PIWIL1: variants seen among roughly 807,000 people sequenced by gnomAD.
PIWIL1 encodes the protein piwi-like protein 1.
PIWIL1 carries 73 observed loss-of-function variants against 114.4 expected under a neutral mutation model. That is an observed-to-expected ratio of 0.64 (90% CI 0.53 to 0.78). PIWIL1 has a LOEUF of 0.78. Among genes scored for constraint, PIWIL1 ranks in the 30% least tolerant of loss-of-function variants. The pLI is 0.00. For synonymous variants in PIWIL1, 375 were observed against 369.0 expected (o/e 1.02, Z -0.19); for missense variants, 723 against 1,063.1 (o/e 0.68, Z 4.45).
the PIWIL1 span, among the ~76,000 whole-genome samples, chr12:130,403,028 C>T: frequency 0.011 from 1,661 of 152,256 alleles, 26 homozygotes; most frequent in African/African-American, 0.039. Context: ...TCGGGGGTCC[C>T]TGCTTACGCT....
Position 130,371,643 on chromosome 12 carries a change from G to T in PIWIL1, c.*45G>T. 1 of 1,250,222 alleles carries T rather than the reference G, an allele frequency of 8.0e-7. No individual in the cohort carries two copies. Among genetic ancestry groups the T allele is most frequent in the Non-Finnish European group, 1.1e-6 (1 of 877,190 alleles). 77.4% of individuals were successfully genotyped at this position (1,250,222 alleles called of 1,614,324 possible). On this transcript the variant is annotated 3_prime_UTR_variant, in exon 21 of 21. Transcript: ENST00000245255. ...CCGCTTTTCTTTTTGAAATGACTTTGGGATTTTTTTAAGCTTTTATTTACT... is the reference window on the plus strand; with the variant it reads ...CCGCTTTTCTTTTTGAAATGACTTTTGGATTTTTTTAAGCTTTTATTTACT...
intron 7 of PIWIL1, among the ~76,000 whole-genome samples, chr12:130,348,536 C>G (rs1276904489): frequency 6.6e-6 from 1 of 152,108 alleles, no homozygotes; most frequent in Non-Finnish European, 1.5e-5. Context: ...CCACTCATCC[C>G]CCAGACCTCA....
the PIWIL1 span, among the ~76,000 whole-genome samples, chr12:130,399,368 G>A: frequency 1.3e-5 from 2 of 152,286 alleles, no homozygotes; most frequent in South Asian, 4.1e-4. Flanking sequence ...CACCAAATCT[G>A]AAGAGGAGCC....
At chr12:130,386,074 C>T in the PIWIL1 span, among the ~76,000 whole-genome samples, 40 of 152,292 alleles carry the variant, frequency 2.6e-4, 2 homozygotes, top group East Asian at 3.5e-3. Context: ...CAGTACCACA[C>T]ATGCTGTGGT....
At chr12:130,346,029 TATAG>T in intron 4 of PIWIL1, 151 bp downstream of exon 4, 1 of 711,260 alleles carries the variant, frequency 1.4e-6, no homozygotes, top group Non-Finnish European at 2.3e-6. Flanking sequence ...TGAAGTAGGT[TATAG>T]ATATCTTTAA....
rs2073502646 is a variant in PIWIL1, at chr12:130,361,359, G to C, written c.1845G>C (p.Glu615Asp). ...AGATGAACTGCAAGATGGGAGGAGA[G>C]CTCTGGAGGGTGGACATCCCCGTGA... The part of the protein sequence containing the change: ...ALQMNCKMGG[E>D]LWRVDIPLKL... The change falls in exon 15 of 21, where the codon GAG becomes GAC. Residue 615 changes from glutamate (E) to aspartate (D), a missense_variant. Around this residue, in one of 8 missense-constraint regions of PIWIL1, gnomAD observed 298 missense variants for 420.8 expected, o/e 0.71. Coordinates refer to ENST00000245255, the MANE Select transcript of PIWIL1 (RefSeq NM_004764.5). The C allele has an allele frequency of 1.2e-6, 2 of 1,614,232 alleles. No individual in the cohort carries two copies. The highest frequency in any genetic ancestry group is 1.3e-5 in the African/African-American group (1 of 75,062).
At position 130,342,427 on chromosome 12, in the gene PIWIL1, T is replaced by TA. The variant is rs576376139; in HGVS notation, c.-12-145dup. The TA allele has an allele frequency of 1.9e-3, 1,165 of 615,398 alleles. 4 individuals are homozygous for TA. Among genetic ancestry groups the TA allele is most frequent in the Admixed American group, 3.5e-3 (122 of 34,704 alleles). 38.1% of individuals were successfully genotyped at this position (615,398 alleles called of 1,614,324 possible). A position where few individuals can be genotyped will look rare whatever the true frequency, so the allele number is the denominator to read the frequency against. ...TTTGTTGAATGTAGGAATGTTACAT[T>TA]AAAAAAAACTGTCATTAAAGATTAG... On this transcript the variant is annotated intron_variant, in intron 1 of 20. Coordinates refer to ENST00000245255, the MANE Select transcript of PIWIL1 (RefSeq NM_004764.5).
At chr12:130,412,716 A>G in the PIWIL1 span, 5 of 1,613,776 alleles carry the variant, frequency 3.1e-6, no homozygotes, top group African/African-American at 6.7e-5. Flanking sequence ...AGACCATGTT[A>G]CAAGGAATAA....
At chr12:130,384,620 C>T in the PIWIL1 span, among the ~76,000 whole-genome samples, 7 of 152,128 alleles carry the variant, frequency 4.6e-5, no homozygotes, top group Non-Finnish European at 7.3e-5. Context: ...CCTGGGATGC[C>T]CAGCATGTTT....
intron 12 of PIWIL1, 109 bp downstream of exon 12, chr12:130,355,776 A>C: frequency 2.6e-6 from 2 of 766,906 alleles, no homozygotes; most frequent in Non-Finnish European, 4.6e-6. Flanking sequence ...AGCTCCGAGT[A>C]AGGCAGTTTT....
chr12:130,416,804 T>C, the PIWIL1 span, among the ~76,000 whole-genome samples: 5 of 152,216 alleles, frequency 3.3e-5, no homozygotes, highest in Middle Eastern at 3.4e-3. Flanking sequence ...GAGAAAATAT[T>C]TGCAAATTGT....
chr12:130,382,493 G>A, the PIWIL1 span, among the ~76,000 whole-genome samples: 41 of 152,216 alleles, frequency 2.7e-4, no homozygotes, highest in Admixed American at 1.7e-3. Flanking sequence ...CTGTGCCCAC[G>A]GCAGTTTCTG....
chr12:130,415,594 TAAG>T, the PIWIL1 span, among the ~76,000 whole-genome samples: 1 of 152,004 alleles, frequency 6.6e-6, no homozygotes, highest in Admixed American at 6.6e-5. Flanking sequence ...ATATAGGAAA[TAAG>T]AAGTCAAATT....
At chr12:130,345,533 G>A in intron 3 of PIWIL1, 1 of 474,744 alleles carries the variant, frequency 2.1e-6, no homozygotes, top group Non-Finnish European at 3.8e-6. Flanking sequence ...ATCTGCAATT[G>A]CCCAGGACAG....
chr12:130,399,921 T>A, the PIWIL1 span: 6 of 1,292,956 alleles, frequency 4.6e-6, no homozygotes, highest in East Asian at 9.4e-5. Context: ...GTGAGTTTAT[T>A]CTGGTTCAAA....
chr12:130,399,953 T>C, the PIWIL1 span: 4 of 961,054 alleles, frequency 4.2e-6, no homozygotes, highest in Non-Finnish European at 4.5e-6. Flanking sequence ...TTGAAAGGAC[T>C]CTAAATCAGG....
the PIWIL1 span, among the ~76,000 whole-genome samples, chr12:130,382,819 A>G: frequency 0.029 from 4,441 of 152,228 alleles, 146 homozygotes; most frequent in Admixed American, 0.063. Context: ...CTTAAACTCT[A>G]CATAGTTTCA....
chr12:130,368,800 A>T lies in PIWIL1; in HGVS notation c.2321+1542A>T, dbSNP rs547774093. On this transcript the variant is annotated intron_variant, in intron 19 of 20. Transcript: ENST00000245255. ...AAATCCCAGTTGAATTATGAAGTAT[A>T]AAAAACGTCATGAGTTTTCACTAGA... 1.0e-3 allele frequency among the ~76,000 whole-genome samples: 157 copies of T among 151,312 alleles called. 2 individuals carry two copies. The South Asian group carries it at 0.018, about 18-fold the overall frequency.
At chr12:130,371,424 T>G (rs1168220460) in intron 20 of PIWIL1, 58 bp from the exon 21 acceptor site, 1 of 1,608,486 alleles carries the variant, frequency 6.2e-7, no homozygotes, top group African/African-American at 1.3e-5. Context: ...ATACTGAGAT[T>G]TGCAATTGAA....
Sources: allele counts gnomAD v4.1 joint callset (sites outside exome capture counted in the v4.1 genomes callset), GRCh38; gene constraint gnomAD v4.1.1; regional missense constraint gnomAD v4.1.1; transcripts MANE v1.5; gene names NCBI Gene and HGNC (gene_info 2026-07-23, HGNC 2026-07-21).